Variants in ORC1 observed in about 807,000 individuals in gnomAD.
ORC1 encodes the protein origin recognition complex subunit 1, also known as origin recognition complex, subunit 1 homolog.
In ORC1, 61 loss-of-function variants were observed where a neutral mutation model predicts 98.9. The observed-to-expected ratio is 0.62, with a 90% confidence interval of 0.50 to 0.76. The LOEUF (loss-of-function observed/expected upper bound fraction) is 0.76, where lower values mean the gene tolerates loss of function less well. Ranked by LOEUF, ORC1 falls within the 30% of genes least tolerant of loss-of-function variation. The pLI is 0.00. For missense variants in ORC1, 979 were observed against 1,072.2 expected (o/e 0.91, Z 1.21); for synonymous variants, 385 against 406.9 (o/e 0.95, Z 0.65).
chr1:52,379,266 C>T (rs1450645957), intron 14 of ORC1, among the ~76,000 whole-genome samples: 2 of 140,826 alleles, frequency 1.4e-5, no homozygotes, highest in Non-Finnish European at 3.0e-5. Flanking sequence ...TTTTCTGAGA[C>T]GGAGTCTCGC....
Position 52,401,420 on chromosome 1 carries a change from A to T in ORC1, c.165T>A (p.Ile55=), listed in dbSNP as rs1647700843. The change falls in exon 3 of 17, where the codon ATT becomes ATA. Residue 55 remains isoleucine (I), a synonymous_variant. Transcript: ENST00000371568. ...ACGGGTTTTCATCATCATCCCCTTC[A>T]ATCAACACAAACTGTCCAATCTGGA... is the stretch of plus-strand genomic sequence containing the variant. ...IHIQIGQFVL[I]EGDDDENPYV... is the part of the protein sequence containing the mutation. 2 of 1,613,696 alleles carry T rather than the reference A, an allele frequency of 1.2e-6. No individual in the cohort carries two copies. Among genetic ancestry groups the T allele is most frequent in the Non-Finnish European group, 8.5e-7 (1 of 1,179,938 alleles).
Position 52,388,467 on chromosome 1 carries a change from G to A in ORC1, c.1358C>T (p.Thr453Ile). ...ACTCTTCTTTGGCACCTTCGTGAGG[G>A]TATGTAAGGATGACTTCAAGGAAGA... ...LRSSLKSSLH[T>I]LTKVPKKSLK... Residue 453 changes from threonine to isoleucine, a missense_variant, in exon 8 of 17, where the codon ACC (threonine) becomes ATC (isoleucine). Transcript: ENST00000371568. 1.9e-6 allele frequency: 3 copies of A among 1,614,044 alleles called. No individual in the cohort carries two copies. Among genetic ancestry groups the A allele is most frequent in the Non-Finnish European group, 2.5e-6 (3 of 1,179,938 alleles).
At chr1:52,375,347 T>A (rs1286768439) in intron 15 of ORC1, 83 bp downstream of exon 15, 1 of 1,186,502 alleles carries the variant, frequency 8.4e-7, no homozygotes, top group African/African-American at 1.5e-5. Flanking sequence ...TATTAATAAG[T>A]GCAGGTTGAA....
At chr1:52,378,101 CT>C (rs778456694) in intron 14 of ORC1, among the ~76,000 whole-genome samples, 14 of 152,284 alleles carry the variant, frequency 9.2e-5, no homozygotes, top group East Asian at 5.8e-4. Context: ...AATCCCAGCA[CT>C]TTAGGAGGCT....
chr1:52,405,663 T>C (rs1569971217), upstream of ORC1: 1 of 1,611,980 alleles, frequency 6.2e-7, no homozygotes, highest in Non-Finnish European at 8.5e-7. Flanking sequence ...TGTTACTGTA[T>C]TGTTTTTGTT....
intron 14 of ORC1, among the ~76,000 whole-genome samples, chr1:52,377,872 G>A (rs190765718): frequency 2.0e-5 from 3 of 152,104 alleles, no homozygotes; most frequent in African/African-American, 7.2e-5. Context: ...GGAACCAGCA[G>A]AATCAATGGT....
intron 6 of ORC1, among the ~76,000 whole-genome samples, chr1:52,389,586 T>A (rs1018955986): frequency 6.6e-6 from 1 of 152,186 alleles, no homozygotes; most frequent in Admixed American, 6.6e-5. Context: ...GAGACCAAAA[T>A]ATGCTACTCC....
chr1:52,405,869 G>A, upstream of ORC1: 2 of 1,603,546 alleles, frequency 1.2e-6, no homozygotes. Flanking sequence ...GCTAATATAA[G>A]AGGTTTAATT....
intron 5 of ORC1, among the ~76,000 whole-genome samples, chr1:52,395,638 C>A (rs781245343): frequency 6.6e-6 from 1 of 152,132 alleles, no homozygotes; most frequent in South Asian, 2.1e-4. Context: ...CATGGCAAGA[C>A]CCTCTTGCTA....
chr1:52,389,482 A>G (rs111861315), intron 6 of ORC1, among the ~76,000 whole-genome samples, 161 bp from the exon 7 acceptor site: 12 of 152,316 alleles, frequency 7.9e-5, no homozygotes, highest in African/African-American at 2.9e-4. Context: ...GCAAAAAATT[A>G]TAACTAAAAA....
At chr1:52,407,242 C>T (rs1210320689), upstream of ORC1, among the ~76,000 whole-genome samples, 1 of 152,238 alleles carries the variant, frequency 6.6e-6, no homozygotes, top group Non-Finnish European at 1.5e-5. Flanking sequence ...TGGTCCCGAT[C>T]TCCTGACCCG....
intron 14 of ORC1, 82 bp from the exon 15 acceptor site, chr1:52,375,681 T>TA: frequency 7.3e-7 from 1 of 1,360,876 alleles, no homozygotes; most frequent in Non-Finnish European, 1.0e-6. Context: ...GCAATGGACA[T>TA]AAGCGTAAAG....
At chr1:52,393,071 C>A (rs911757935) in intron 6 of ORC1, among the ~76,000 whole-genome samples, 1 of 152,146 alleles carries the variant, frequency 6.6e-6, no homozygotes, top group South Asian at 2.1e-4. Flanking sequence ...GAAACAACAA[C>A]AACAATGAAA....
chr1:52,394,908 CAA>C (rs2147939307), intron 5 of ORC1, among the ~76,000 whole-genome samples: 1 of 152,346 alleles, frequency 6.6e-6, no homozygotes, highest in South Asian at 2.1e-4. Flanking sequence ...CCTCGGCCTC[CAA>C]AAGTGTTGGG....
chr1:52,373,565 G>C (rs905249718), intron 16 of ORC1, among the ~76,000 whole-genome samples, 190 bp from the exon 17 acceptor site: 2 of 152,166 alleles, frequency 1.3e-5, no homozygotes, highest in Non-Finnish European at 2.9e-5. Flanking sequence ...CTTGGAATCA[G>C]AAAACAGCAG....
intron 11 of ORC1, 113 bp downstream of exon 11, chr1:52,384,437 C>A: frequency 1.0e-6 from 1 of 962,518 alleles, no homozygotes; most frequent in South Asian, 1.3e-5. Context: ...ACAGAAAGGA[C>A]AATGCCTGGT....
chr1:52,408,439 T>C (rs1648060517), upstream of ORC1: 3 of 1,236,646 alleles, frequency 2.4e-6, no homozygotes, highest in South Asian at 3.6e-5. Flanking sequence ...GCATTCTACC[T>C]CCACAATTGC....
intron 3 of ORC1, among the ~76,000 whole-genome samples, 196 bp downstream of exon 3, chr1:52,401,166 C>G (rs1407490197): frequency 6.6e-6 from 1 of 152,044 alleles, no homozygotes; most frequent in Non-Finnish European, 1.5e-5. Context: ...ATTGAGCCTT[C>G]CAGTTCCGTT....
chr1:52,401,031 T>C (rs551497230), intron 3 of ORC1, among the ~76,000 whole-genome samples: 4 of 152,332 alleles, frequency 2.6e-5, no homozygotes, highest in Non-Finnish European at 5.9e-5. Context: ...GACACATCTC[T>C]ATGATAGTAC....
Sources: allele counts gnomAD v4.1 joint callset (sites outside exome capture counted in the v4.1 genomes callset), GRCh38; gene constraint gnomAD v4.1.1; transcripts MANE v1.5; gene names NCBI Gene and HGNC (gene_info 2026-07-23, HGNC 2026-07-21).